The following CNTNAP2 variants were observed in gnomAD, a reference collection of about 807,000 sequenced individuals.
CNTNAP2 encodes the protein contactin-associated protein-like 2.
A neutral mutation model predicts 155.2 loss-of-function variants in CNTNAP2; 98 were observed. The ratio of observed to expected loss-of-function variants is 0.63; its 90% CI spans 0.54 to 0.75. The LOEUF (loss-of-function observed/expected upper bound fraction) is 0.75, where lower values mean the gene tolerates loss of function less well. CNTNAP2 is among the 30% of genes least tolerant of loss of function. The pLI is 0.00. For synonymous variants in CNTNAP2, 651 were observed against 631.2 expected (o/e 1.03, Z -0.47); for missense variants, 1,727 against 1,688.1 (o/e 1.02, Z -0.40).
chr7:146,819,671 A>T (rs1055922845), intron 2 of CNTNAP2, among the ~76,000 whole-genome samples: 1 of 152,154 alleles, frequency 6.6e-6, no homozygotes, highest in South Asian at 2.1e-4. Flanking sequence ...CGATATGGGA[A>T]CTTGACACCT....
chr7:147,902,354 C>T (rs2538963), intron 13 of CNTNAP2, among the ~76,000 whole-genome samples: 56,298 of 151,844 alleles, frequency 0.37, 10,733 homozygotes, highest in African/African-American at 0.46. Context: ...TTTGAAAACT[C>T]GTCTAAGCTT....
At position 146,550,086 on chromosome 7, in the gene CNTNAP2, A is replaced by T. The variant is rs146134328; in HGVS notation, c.98-224185A>T. ...TCACTTCCAGGTTTTCAAACATAAAAATTAAAGGGATTAAACTTGGATTGA... is the reference window on the plus strand; with the variant it reads ...TCACTTCCAGGTTTTCAAACATAAATATTAAAGGGATTAAACTTGGATTGA... On this transcript the variant is annotated intron_variant, in intron 1 of 23. Transcript: ENST00000361727. Among the ~76,000 whole-genome samples, 3 of 152,214 alleles carry T rather than the reference A, an allele frequency of 2.0e-5. No individual in the cohort carries two copies. In the East Asian group the frequency reaches 5.8e-4, roughly 29 times the overall value.
At chr7:148,079,705 T>C (rs1439552937) in intron 15 of CNTNAP2, among the ~76,000 whole-genome samples, 1 of 152,222 alleles carries the variant, frequency 6.6e-6, no homozygotes, top group African/African-American at 2.4e-5. Context: ...TTTCAGGACC[T>C]GCTATCTGTC....
intron 21 of CNTNAP2, among the ~76,000 whole-genome samples, chr7:148,268,469 C>T (rs753370374): frequency 2.6e-5 from 4 of 151,760 alleles, no homozygotes; most frequent in African/African-American, 4.8e-5. Flanking sequence ...CTGGCTAACA[C>T]GGTGAAACCC....
intron 18 of CNTNAP2, among the ~76,000 whole-genome samples, chr7:148,210,896 A>AT (rs1348973996): frequency 6.6e-6 from 1 of 152,236 alleles, no homozygotes; most frequent in African/African-American, 2.4e-5. Flanking sequence ...GAAAAAGCAG[A>AT]TTTTGCCAAT....
chr7:147,873,550 AT>A (rs1461537980), intron 13 of CNTNAP2, among the ~76,000 whole-genome samples: 1 of 152,164 alleles, frequency 6.6e-6, no homozygotes, highest in Non-Finnish European at 1.5e-5. Flanking sequence ...CACCCCCATG[AT>A]TTAATTAGCT....
chr7:147,774,857 C>A (rs1307238908), intron 13 of CNTNAP2, among the ~76,000 whole-genome samples: 3 of 152,074 alleles, frequency 2.0e-5, no homozygotes, highest in Non-Finnish European at 2.9e-5. Context: ...TAACCTAAGT[C>A]TCTTACTTAA....
At chr7:146,782,084 C>G (rs1430408369) in intron 2 of CNTNAP2, 1 of 152,178 alleles carries the variant, frequency 6.6e-6, no homozygotes, top group Non-Finnish European at 1.5e-5. Flanking sequence ...GAAGTAGACT[C>G]AAGTTCCCAA....
At chr7:147,906,567 C>T (rs1799962098) in intron 14 of CNTNAP2, among the ~76,000 whole-genome samples, 1 of 150,966 alleles carries the variant, frequency 6.6e-6, no homozygotes, top group African/African-American at 2.4e-5. Context: ...CTCAGTGATT[C>T]TCCTGCTTCA....
At chr7:147,027,991 C>A (rs1483180522) in intron 3 of CNTNAP2, among the ~76,000 whole-genome samples, 1 of 152,118 alleles carries the variant, frequency 6.6e-6, no homozygotes, top group African/African-American at 2.4e-5. Flanking sequence ...GAAATTCAGG[C>A]CTAGATCTCA....
At chr7:147,456,100 A>G (rs1797914473) in intron 10 of CNTNAP2, among the ~76,000 whole-genome samples, 1 of 152,172 alleles carries the variant, frequency 6.6e-6, no homozygotes, top group African/African-American at 2.4e-5. Context: ...TTTTGTTTAT[A>G]TCTTCATCAA....
At chr7:148,156,174 A>G (rs1805393993) in intron 17 of CNTNAP2, among the ~76,000 whole-genome samples, 1 of 152,218 alleles carries the variant, frequency 6.6e-6, no homozygotes, top group Non-Finnish European at 1.5e-5. Context: ...TTAATGCAAA[A>G]GCACTCTTCT....
chr7:147,232,694 A>G (rs13228756), intron 8 of CNTNAP2, among the ~76,000 whole-genome samples: 122,721 of 152,170 alleles, frequency 0.81, 50,219 homozygotes, highest in African/African-American at 0.95. Flanking sequence ...AAATGGATTC[A>G]AGACTTAAAT....
intron 3 of CNTNAP2, among the ~76,000 whole-genome samples, chr7:146,906,245 A>T (rs1796122895): frequency 6.6e-6 from 1 of 152,342 alleles, no homozygotes; most frequent in Non-Finnish European, 1.5e-5. Context: ...GCCATTGCCC[A>T]GGCTTGCTTA....
At chr7:147,534,388 G>C (rs1053633974) in intron 11 of CNTNAP2, among the ~76,000 whole-genome samples, 1 of 152,124 alleles carries the variant, frequency 6.6e-6, no homozygotes. Context: ...GTGCCACTTA[G>C]AATTATATTT....
chr7:146,349,748 G>A (rs1794883761), intron 1 of CNTNAP2, among the ~76,000 whole-genome samples: 1 of 152,212 alleles, frequency 6.6e-6, no homozygotes, highest in Admixed American at 6.5e-5. Context: ...GGCTGGATAT[G>A]AAATTCTGGG....
intron 1 of CNTNAP2, among the ~76,000 whole-genome samples, chr7:146,440,580 A>G (rs185291415): frequency 6.6e-6 from 1 of 151,650 alleles, no homozygotes; most frequent in Admixed American, 6.5e-5. Context: ...CTGTGTGTAT[A>G]TCTTCATTTT....
chr7:147,839,405 TAAC>T (rs753065876), intron 13 of CNTNAP2, among the ~76,000 whole-genome samples: 94 of 151,992 alleles, frequency 6.2e-4, no homozygotes, highest in Non-Finnish European at 1.1e-3. Flanking sequence ...AAAAAGAAGA[TAAC>T]AAGAACAGTA....
intron 14 of CNTNAP2, among the ~76,000 whole-genome samples, chr7:147,930,090 A>C (rs1037816448): frequency 1.3e-5 from 2 of 152,082 alleles, no homozygotes; most frequent in Non-Finnish European, 2.9e-5. Context: ...ATAGCCTGGG[A>C]GTTGGGAACC....
Sources: gnomAD v4.1 joint callset for allele counts (sites outside exome capture counted in the v4.1 genomes callset) on GRCh38, gnomAD v4.1.1 for gene constraint, MANE v1.5 for transcripts, NCBI Gene and HGNC (gene_info 2026-07-23, HGNC 2026-07-21) for gene names.